Variants in CASQ2 observed in about 807,000 individuals in gnomAD.
The protein encoded by CASQ2 is calsequestrin-2.
A neutral mutation model predicts 46.5 loss-of-function variants in CASQ2; 49 were observed. The observed-to-expected ratio is 1.05, with a 90% CI of 0.84 to 1.34. CASQ2 has a LOEUF of 1.34. CASQ2 is among the 40% of genes most tolerant of loss of function. The probability of loss-of-function intolerance (pLI) is 0.00; values close to 1 mark genes in which losing one functional copy is unlikely to be tolerated. For missense variants in CASQ2, 486 were observed against 481.3 expected (o/e 1.01, Z -0.09); for synonymous variants, 174 against 168.5 (o/e 1.03, Z -0.25).
At chr1:115,751,060 T>C (rs1384960144) in intron 1 of CASQ2, among the ~76,000 whole-genome samples, 1 of 152,202 alleles carries the variant, frequency 6.6e-6, no homozygotes, top group East Asian at 1.9e-4. Flanking sequence ...GTGACTCCAG[T>C]GTAAAAAGTG....
In CASQ2 at chr1:115,738,407, A is replaced by G. The variant is rs1471991325; in HGVS notation, c.421-72T>C. The G allele has an allele frequency of 1.0e-5, 10 of 989,472 alleles. No individual in the cohort carries two copies. The East Asian group carries it at 2.4e-4, about 23-fold the overall frequency. The allele number at this position is 989,472 out of a possible 1,614,324, so 61.3% of individuals were successfully genotyped here. A position where few individuals can be genotyped will look rare whatever the true frequency, so the allele number is the denominator to read the frequency against. ...CTTCTTCACTGGGGAAACAGAGTGCATTGGAGGGAAGTTGTAGCGGACTTT... is the reference window on the plus strand; with the variant it reads ...CTTCTTCACTGGGGAAACAGAGTGCGTTGGAGGGAAGTTGTAGCGGACTTT... On this transcript the variant is annotated intron_variant, in intron 3 of 10. Coordinates refer to ENST00000261448, the MANE Select transcript of CASQ2 (RefSeq NM_001232.4).
At chr1:115,715,399 T>C (rs1005236936) in intron 8 of CASQ2, among the ~76,000 whole-genome samples, 2 of 152,232 alleles carry the variant, frequency 1.3e-5, no homozygotes, top group Non-Finnish European at 2.9e-5. Context: ...AGGAATGATA[T>C]GTGCAATGTC....
At chr1:115,748,095 T>G (rs10923352) in intron 1 of CASQ2, among the ~76,000 whole-genome samples, 41,553 of 152,028 alleles carry the variant, frequency 0.27, 6,059 homozygotes, top group East Asian at 0.43. Flanking sequence ...TTTGTACTTT[T>G]CAGTTCTATT....
chr1:115,703,904 C>T (rs1654281559), intron 9 of CASQ2, among the ~76,000 whole-genome samples: 1 of 130,002 alleles, frequency 7.7e-6, no homozygotes, highest in South Asian at 2.5e-4. Flanking sequence ...ACAGTGAGAC[C>T]CTGTCTCAAA....
At chr1:115,741,273 G>A (rs1017661049) in intron 2 of CASQ2, among the ~76,000 whole-genome samples, 3 of 152,116 alleles carry the variant, frequency 2.0e-5, no homozygotes, top group Admixed American at 2.0e-4. Flanking sequence ...GTCCCCTGTG[G>A]GACTCCCTTT....
At chr1:115,742,989 C>T (rs992941862) in intron 2 of CASQ2, among the ~76,000 whole-genome samples, 2 of 151,750 alleles carry the variant, frequency 1.3e-5, no homozygotes, top group Admixed American at 1.3e-4. Flanking sequence ...GGGGTTTCAC[C>T]GTGTTAGCCA....
chr1:115,753,621 G>C (rs115144379), intron 1 of CASQ2, among the ~76,000 whole-genome samples: 1 of 152,160 alleles, frequency 6.6e-6, no homozygotes, highest in African/African-American at 2.4e-5. Flanking sequence ...CGTGACTGCC[G>C]CTGGGGCTCC....
chr1:115,748,999 A>G (rs189653641), intron 1 of CASQ2, among the ~76,000 whole-genome samples: 7 of 152,204 alleles, frequency 4.6e-5, no homozygotes, highest in Non-Finnish European at 1.0e-4. Context: ...GTTTTTATAA[A>G]CCACACTACC....
Position 115,701,052 on chromosome 1 carries a change from GA to G in CASQ2, c.*188del. ...TTTTTCTCCTGTCCCTGCTAAGTGGGATTGCTGCATTTGAAAAGGCATTTGC... is the reference window on the plus strand; with the variant it reads ...TTTTTCTCCTGTCCCTGCTAAGTGGGTTGCTGCATTTGAAAAGGCATTTGC... On this transcript the variant is annotated 3_prime_UTR_variant, in exon 11 of 11. Transcript: ENST00000261448. 1.2e-6 allele frequency: 1 copy of G among 800,354 alleles called. No homozygotes were observed. Among genetic ancestry groups the G allele is most frequent in the Non-Finnish European group, 2.1e-6 (1 of 466,638 alleles). 49.6% of individuals were successfully genotyped at this position (800,354 alleles called of 1,614,324 possible).
intron 2 of CASQ2, among the ~76,000 whole-genome samples, chr1:115,743,003 T>A (rs1333703593): frequency 2.6e-5 from 4 of 151,930 alleles, no homozygotes; most frequent in Admixed American, 1.3e-4. Context: ...TTAGCCAGGA[T>A]GGTCTCGATC....
intron 1 of CASQ2, among the ~76,000 whole-genome samples, chr1:115,761,407 A>AGAG (rs1648931144): frequency 0.033 from 2 of 60 alleles, no homozygotes; most frequent in East Asian, 0.5. Flanking sequence ...AAAAAAAAGA[A>AGAG]GAAGAAGAAG....
chr1:115,765,039 T>C (rs1015691593), intron 1 of CASQ2, among the ~76,000 whole-genome samples: 3 of 152,242 alleles, frequency 2.0e-5, no homozygotes, highest in Admixed American at 2.0e-4. Context: ...TCAGAATATT[T>C]GCTGTTTTGC....
At chr1:115,720,743 G>A (rs542993671) in intron 7 of CASQ2, among the ~76,000 whole-genome samples, 1 of 152,306 alleles carries the variant, frequency 6.6e-6, no homozygotes, top group East Asian at 1.9e-4. Flanking sequence ...GCAGCAGTGA[G>A]CATGCTGGGC....
At chr1:115,749,366 G>A (rs1046287741) in intron 1 of CASQ2, among the ~76,000 whole-genome samples, 8 of 152,160 alleles carry the variant, frequency 5.3e-5, no homozygotes, top group African/African-American at 1.7e-4. Context: ...GATTTTTGAA[G>A]ATTTATGAGT....
At chr1:115,709,736 G>C (rs1287769722) in intron 8 of CASQ2, among the ~76,000 whole-genome samples, 1 of 152,182 alleles carries the variant, frequency 6.6e-6, no homozygotes, top group Non-Finnish European at 1.5e-5. Flanking sequence ...CTACAGAGTT[G>C]ATCATTCTAA....
intron 1 of CASQ2, among the ~76,000 whole-genome samples, chr1:115,748,812 T>G (rs1223691133): frequency 6.6e-6 from 1 of 152,170 alleles, no homozygotes; most frequent in Admixed American, 6.5e-5. Flanking sequence ...GAGTCAGTAA[T>G]GATGGTACCT....
chr1:115,751,484 C>A (rs994174685), intron 1 of CASQ2, among the ~76,000 whole-genome samples: 1 of 149,468 alleles, frequency 6.7e-6, no homozygotes, highest in Non-Finnish European at 1.5e-5. Flanking sequence ...CTGGCTAACA[C>A]GGTGAAACAC....
At position 115,732,865 on chromosome 1, in the gene CASQ2, C is replaced by T. The variant is rs958175108; in HGVS notation, c.606+36G>A. ...TTCAAACTTTAATTCTTCATGCCTA[C>T]AAAACTGTTCAAATTGGGGTTTCAT... is the stretch of plus-strand genomic sequence containing the variant. On this transcript the variant is annotated intron_variant, in intron 5 of 10. Coordinates refer to ENST00000261448, the MANE Select transcript of CASQ2 (RefSeq NM_001232.4). 8.2e-6 allele frequency: 12 copies of T among 1,467,244 alleles called. No individual in the cohort carries two copies. The African/African-American group carries it at 1.7e-4, about 20-fold the overall frequency. The allele number at this position is 1,467,244 out of a possible 1,614,324, so 90.9% of individuals were successfully genotyped here.
intron 1 of CASQ2, among the ~76,000 whole-genome samples, chr1:115,760,431 C>T (rs1435062774): frequency 6.6e-6 from 1 of 152,176 alleles, no homozygotes; most frequent in Non-Finnish European, 1.5e-5. Context: ...CAGATGAGGT[C>T]TCACTATGTT....
Sources: gnomAD v4.1 joint callset for allele counts (sites outside exome capture counted in the v4.1 genomes callset) on GRCh38, gnomAD v4.1.1 for gene constraint, MANE v1.5 for transcripts, NCBI Gene and HGNC (gene_info 2026-07-23, HGNC 2026-07-21) for gene names.